Variants in TRIM37 observed in about 807,000 individuals in gnomAD.
TRIM37 encodes the protein E3 ubiquitin-protein ligase TRIM37.
A neutral mutation model predicts 129.8 loss-of-function variants in TRIM37; 80 were observed. The observed-to-expected ratio is 0.62, with a 90% confidence interval of 0.51 to 0.74. The LOEUF (loss-of-function observed/expected upper bound fraction) is 0.74. Ranked by LOEUF, TRIM37 falls within the 30% of genes least tolerant of loss-of-function variation. TRIM37 has a pLI of 0.00. For synonymous variants in TRIM37, 389 were observed against 387.1 expected, an observed-to-expected ratio of 1.00 and a Z score of -0.06; for missense variants, 1,054 against 1,176.5, an observed-to-expected ratio of 0.90 and a Z score of 1.52.
chr17:59,064,433 T>C, intron 9 of TRIM37, 28 bp from the exon 10 acceptor site: 1 of 1,539,562 alleles, frequency 6.5e-7, no homozygotes, highest in Non-Finnish European at 8.8e-7. Flanking sequence ...AAAAAAATTA[T>C]TTAGCTTACA....
At chr17:59,051,470 T>C (rs2040339797) in intron 13 of TRIM37, 142 bp from the exon 14 acceptor site, 2 of 688,348 alleles carry the variant, frequency 2.9e-6, no homozygotes, top group Non-Finnish European at 5.3e-6. Flanking sequence ...TTGTTGTTTA[T>C]AGATGTAGTC....
chr17:59,094,279 A>G (rs968213242), intron 2 of TRIM37, among the ~76,000 whole-genome samples: 2 of 152,212 alleles, frequency 1.3e-5, no homozygotes, highest in Non-Finnish European at 2.9e-5. Flanking sequence ...AACCAAAACC[A>G]AAGAACCAGT....
At chr17:59,102,291 G>C (rs2045586603) in intron 2 of TRIM37, among the ~76,000 whole-genome samples, 1 of 152,128 alleles carries the variant, frequency 6.6e-6, no homozygotes, top group South Asian at 2.1e-4. Flanking sequence ...GGAAGAAGAT[G>C]TAACAATGAA....
intron 5 of TRIM37, among the ~76,000 whole-genome samples, chr17:59,083,542 G>T (rs2043492903): frequency 6.6e-6 from 1 of 151,886 alleles, no homozygotes; most frequent in Non-Finnish European, 1.5e-5. Context: ...ATGGTAGACT[G>T]TCTTTAAAAA....
At chr17:59,042,430 TTAAAAAA>T (rs143113418) in intron 16 of TRIM37, among the ~76,000 whole-genome samples, 2,002 of 91,768 alleles carry the variant, frequency 0.022, 57 homozygotes, top group Non-Finnish European at 0.033. Context: ...AAAAAGGAAT[TTAAAAAA>T]AAAAAAAAAA....
At chr17:59,096,274 G>A (rs775549707) in intron 2 of TRIM37, among the ~76,000 whole-genome samples, 1 of 151,834 alleles carries the variant, frequency 6.6e-6, no homozygotes, top group Non-Finnish European at 1.5e-5. Flanking sequence ...AACATCAGCC[G>A]GGCACAGTGG....
intron 2 of TRIM37, among the ~76,000 whole-genome samples, chr17:59,103,631 C>T (rs537248883): frequency 2.0e-3 from 299 of 149,540 alleles, no homozygotes; most frequent in African/African-American, 6.8e-3. Flanking sequence ...TGGGCCACCG[C>T]GCTCAGGCCA....
chr17:58,977,733 G>A (rs965565031), downstream of TRIM37, among the ~76,000 whole-genome samples: 4 of 152,138 alleles, frequency 2.6e-5, no homozygotes, highest in African/African-American at 9.7e-5. Context: ...AAACAGGGAT[G>A]TTAAATGTTG....
At chr17:59,105,728 T>A (rs2045933386) in intron 1 of TRIM37, among the ~76,000 whole-genome samples, 2 of 152,124 alleles carry the variant, frequency 1.3e-5, no homozygotes, top group African/African-American at 4.8e-5. Flanking sequence ...GGGTGGACAA[T>A]AAGACTACTG....
chr17:59,025,356 C>T (rs1598969997), intron 19 of TRIM37, among the ~76,000 whole-genome samples: 1 of 150,038 alleles, frequency 6.7e-6, no homozygotes, highest in South Asian at 2.1e-4. Context: ...AAAATAAGAC[C>T]CATGAATATT....
the TRIM37 span, among the ~76,000 whole-genome samples, chr17:58,971,555 TA>T: frequency 1.3e-5 from 2 of 152,298 alleles, no homozygotes; most frequent in East Asian, 1.9e-4. Flanking sequence ...GTAGGAAGGA[TA>T]TTTTTTTAAA....
intron 24 of TRIM37, among the ~76,000 whole-genome samples, chr17:58,992,396 T>G (rs1196882161): frequency 6.6e-6 from 1 of 150,594 alleles, no homozygotes; most frequent in African/African-American, 2.4e-5. Context: ...GTGTCCAGTT[T>G]TGAGACGGAG....
intron 17 of TRIM37, 121 bp from the exon 18 acceptor site, chr17:59,032,211 G>A: frequency 2.7e-6 from 3 of 1,118,872 alleles, no homozygotes; most frequent in Non-Finnish European, 2.6e-6. Context: ...TAGGAGTTCA[G>A]GTTCATGATA....
intron 14 of TRIM37, among the ~76,000 whole-genome samples, 183 bp from the exon 15 acceptor site, chr17:59,049,576 C>T (rs764317272): frequency 6.6e-6 from 1 of 152,198 alleles, no homozygotes; most frequent in Non-Finnish European, 1.5e-5. Context: ...CACTGCAAGC[C>T]TTGAACTACT....
At chr17:58,994,512 A>C (rs1264303731), downstream of TRIM37, among the ~76,000 whole-genome samples, 2 of 152,114 alleles carry the variant, frequency 1.3e-5, no homozygotes. Flanking sequence ...GCTTGAGCCT[A>C]AGACTTCATA....
chr17:59,064,297 T>C, intron 10 of TRIM37, 58 bp downstream of exon 10: 4 of 1,330,240 alleles, frequency 3.0e-6, no homozygotes, highest in African/African-American at 1.5e-5. Context: ...AAAGAATACC[T>C]TTCTGGCTCT....
intron 2 of TRIM37, among the ~76,000 whole-genome samples, chr17:59,095,046 T>A (rs573810250): frequency 6.6e-6 from 1 of 152,056 alleles, no homozygotes; most frequent in East Asian, 1.9e-4. Context: ...CAAGATACCA[T>A]CTCTACAATA....
chr17:59,096,966 G>T (rs1280923958), intron 2 of TRIM37, among the ~76,000 whole-genome samples: 1 of 152,118 alleles, frequency 6.6e-6, no homozygotes, highest in Non-Finnish European at 1.5e-5. Context: ...ATAGAAAGAT[G>T]ATTCAACTAC....
rs1349963169 is a variant in TRIM37 at position 58,998,783 on chromosome 17, T to C, written c.*594A>G. The C allele has an allele frequency of 1.0e-5, 10 of 986,484 alleles. No homozygotes were observed. Among genetic ancestry groups the C allele is most frequent in the South Asian group, 4.7e-5 (1 of 21,376 alleles). 61.1% of individuals were successfully genotyped at this position (986,484 alleles called of 1,614,324 possible). On this transcript the variant is annotated 3_prime_UTR_variant, in exon 24 of 24. Transcript: ENST00000262294. ...CACACAACAGAAAGATACCATGCGGTTGAACAGTGTGCCTGTACTTGAACA... is the reference window on the plus strand; with the variant it reads ...CACACAACAGAAAGATACCATGCGGCTGAACAGTGTGCCTGTACTTGAACA...
Sources: gnomAD v4.1 joint callset for allele counts (sites outside exome capture counted in the v4.1 genomes callset) on GRCh38, gnomAD v4.1.1 for gene constraint, MANE v1.5 for transcripts, NCBI Gene and HGNC (gene_info 2026-07-23, HGNC 2026-07-21) for gene names.